BTBD9: variants seen among roughly 807,000 people sequenced by gnomAD.
BTBD9 encodes BTB domain containing 9, also known as BTB/POZ domain-containing protein 9.
BTBD9 carries 49 observed loss-of-function variants against 64.3 expected under a neutral mutation model. The observed-to-expected ratio is 0.76, with a 90% CI of 0.61 to 0.97. BTBD9 has a LOEUF of 0.97. BTBD9 is among the 50% of genes least tolerant of loss of function. The pLI is 0.00. For missense variants in BTBD9, 598 were observed against 762.1 expected, an observed-to-expected ratio of 0.78 and a Z score of 2.53; for synonymous variants, 260 against 274.7, an observed-to-expected ratio of 0.95 and a Z score of 0.53.
chr6:38,614,786 G>A (rs1777732677), intron 1 of BTBD9, among the ~76,000 whole-genome samples: 1 of 152,012 alleles, frequency 6.6e-6, no homozygotes, highest in Non-Finnish European at 1.5e-5. Context: ...TCTCTCACTC[G>A]GACCCTCACA....
intron 6 of BTBD9, among the ~76,000 whole-genome samples, chr6:38,531,640 AAGAC>A (rs772098547): frequency 9.8e-5 from 15 of 152,362 alleles, no homozygotes; most frequent in South Asian, 2.1e-4. Context: ...ACAACTTTTG[AAGAC>A]AGACAGTATA....
chr6:38,318,526 G>A (rs1483185595), intron 7 of BTBD9, among the ~76,000 whole-genome samples: 3 of 152,196 alleles, frequency 2.0e-5, no homozygotes, highest in South Asian at 2.1e-4. Flanking sequence ...GACTCATAGA[G>A]GTACTGCCTT....
chr6:38,570,423 C>T (rs532731969), intron 6 of BTBD9, among the ~76,000 whole-genome samples: 19 of 152,248 alleles, frequency 1.2e-4, no homozygotes, highest in East Asian at 1.9e-4. Flanking sequence ...AATTAAGTAG[C>T]GGTTTTTCTC....
chr6:38,410,050 A>C (rs1254048536), intron 6 of BTBD9, among the ~76,000 whole-genome samples: 1 of 152,238 alleles, frequency 6.6e-6, no homozygotes, highest in Non-Finnish European at 1.5e-5. Context: ...TTATTTTAAA[A>C]AAAGAAATCA....
chr6:38,341,348 T>C (rs988964613), intron 7 of BTBD9, among the ~76,000 whole-genome samples: 2 of 152,088 alleles, frequency 1.3e-5, no homozygotes, highest in Admixed American at 6.5e-5. Flanking sequence ...TAGATGTGTA[T>C]AATAAAGTAT....
intron 6 of BTBD9, among the ~76,000 whole-genome samples, chr6:38,560,881 C>A (rs937075768): frequency 1.3e-5 from 2 of 152,196 alleles, no homozygotes; most frequent in Non-Finnish European, 2.9e-5. Context: ...TGGCCTCAGG[C>A]TCCATCCATG....
intron 6 of BTBD9, among the ~76,000 whole-genome samples, chr6:38,393,281 C>T (rs1000689607): frequency 6.6e-6 from 1 of 152,156 alleles, no homozygotes; most frequent in Non-Finnish European, 1.5e-5. Flanking sequence ...GAGGTTCTTG[C>T]AAATTGACTC....
At chr6:38,630,199 TCAAAAAAAAAAAAAAAAAGGAGAC>T (rs1405413330) in intron 1 of BTBD9, among the ~76,000 whole-genome samples, 1 of 99,626 alleles carries the variant, frequency 1.0e-5, no homozygotes, top group Non-Finnish European at 1.9e-5. Flanking sequence ...AAATTCCGTC[TCAAAAAAAAAAAAAAAAAGGAGAC>T]CAAAAGAAAA....
chr6:38,302,998 A>T (rs1762472673), intron 7 of BTBD9, among the ~76,000 whole-genome samples: 1 of 151,822 alleles, frequency 6.6e-6, no homozygotes, highest in Non-Finnish European at 1.5e-5. Flanking sequence ...TTATTTATTT[A>T]TTTTGCCGTT....
At chr6:38,295,377 G>C (rs1035059133) in intron 7 of BTBD9, among the ~76,000 whole-genome samples, 8 of 151,810 alleles carry the variant, frequency 5.3e-5, no homozygotes, top group Non-Finnish European at 1.2e-4. Flanking sequence ...TGTTGCCCAG[G>C]CTGGTCTTGA....
At chr6:38,414,761 T>C (rs1767590592) in intron 6 of BTBD9, among the ~76,000 whole-genome samples, 1 of 152,198 alleles carries the variant, frequency 6.6e-6, no homozygotes, top group Non-Finnish European at 1.5e-5. Flanking sequence ...TTCATCAGTA[T>C]CCTTCTCCTT....
Position 38,438,254 on chromosome 6 carries a change from G to GGAAGGAAGGAAGGAAGGAAGGAAGGAAA in BTBD9, c.1155-93162_1155-93161insTTTCCTTCCTTCCTTCCTTCCTTCCTTC, listed in dbSNP as rs59080267. 2.6e-3 allele frequency among the ~76,000 whole-genome samples: 256 copies of GGAAGGAAGGAAGGAAGGAAGGAAGGAAA among 96,696 alleles called. 4 individuals are homozygous for GGAAGGAAGGAAGGAAGGAAGGAAGGAAA. Among genetic ancestry groups the GGAAGGAAGGAAGGAAGGAAGGAAGGAAA allele is most frequent in the East Asian group, 0.012 (14 of 1,170 alleles). 63.4% of individuals were successfully genotyped at this position (96,696 alleles called of 152,430 possible). ...AGGGAGGGAGGGAGGGAGGGAGGAA[G>GGAAGGAAGGAAGGAAGGAAGGAAGGAAA]GAAGGAAGGAACAGACTACTACTGG... is the stretch of plus-strand genomic sequence containing the variant. On this transcript the variant is annotated intron_variant, in intron 6 of 10. Transcript: ENST00000481247.
intron 7 of BTBD9, among the ~76,000 whole-genome samples, chr6:38,291,140 T>C (rs1761940047): frequency 6.6e-6 from 1 of 152,222 alleles, no homozygotes; most frequent in Non-Finnish European, 1.5e-5. Flanking sequence ...TCAACTTCCC[T>C]AGATATTGCC....
At chr6:38,484,224 A>G (rs1472715664) in intron 6 of BTBD9, among the ~76,000 whole-genome samples, 1 of 152,218 alleles carries the variant, frequency 6.6e-6, no homozygotes, top group Admixed American at 6.5e-5. Flanking sequence ...GACCTATGAA[A>G]CTAGAACTAG....
intron 8 of BTBD9, among the ~76,000 whole-genome samples, chr6:38,283,135 CT>C (rs1761584895): frequency 6.6e-6 from 1 of 152,176 alleles, no homozygotes; most frequent in Non-Finnish European, 1.5e-5. Flanking sequence ...ATATTGGTAT[CT>C]GACTCACTAA....
chr6:38,433,977 G>C (rs74713931), intron 6 of BTBD9, among the ~76,000 whole-genome samples: 6,026 of 152,002 alleles, frequency 0.04, 180 homozygotes, highest in Non-Finnish European at 0.059. Flanking sequence ...TCTTCTCTAA[G>C]GGGTCTGGCG....
chr6:38,416,351 T>G (rs1294635817), intron 6 of BTBD9, among the ~76,000 whole-genome samples: 3 of 151,430 alleles, frequency 2.0e-5, no homozygotes, highest in African/African-American at 7.3e-5. Context: ...TTTTTTTTTT[T>G]TGAGATGGAG....
chr6:38,516,787 G>T (rs1773047263), intron 6 of BTBD9, among the ~76,000 whole-genome samples: 1 of 152,122 alleles, frequency 6.6e-6, no homozygotes, highest in Admixed American at 6.5e-5. Context: ...AAAAAATAAA[G>T]AGATATTTAA....
intron 6 of BTBD9, among the ~76,000 whole-genome samples, chr6:38,560,427 T>G (rs1276694471): frequency 6.6e-6 from 1 of 152,196 alleles, no homozygotes; most frequent in Non-Finnish European, 1.5e-5. Context: ...ATCGATAAAA[T>G]GTTTTATTTG....
Sources: gnomAD v4.1 joint callset for allele counts (sites outside exome capture counted in the v4.1 genomes callset) on GRCh38, gnomAD v4.1.1 for gene constraint, MANE v1.5 for transcripts, NCBI Gene and HGNC (gene_info 2026-07-23, HGNC 2026-07-21) for gene names.